The following KCNT2 variants were observed in gnomAD, a reference collection of about 807,000 sequenced individuals.
KCNT2 encodes the protein potassium channel subfamily T member 2.
Under a neutral mutation model 153.8 loss-of-function variants are expected in KCNT2, and 67 were observed. That is an observed-to-expected ratio of 0.44 (90% CI 0.36 to 0.53). The LOEUF (loss-of-function observed/expected upper bound fraction) is 0.53, where lower values mean the gene tolerates loss of function less well. Among genes scored for constraint, KCNT2 ranks in the 20% least tolerant of loss-of-function variants. The pLI, the probability that KCNT2 is intolerant of heterozygous loss-of-function variation, is 0.00. For missense variants in KCNT2, 975 were observed against 1,354.8 expected, an observed-to-expected ratio of 0.72 and a Z score of 4.40; for synonymous variants, 500 against 458.8, an observed-to-expected ratio of 1.09 and a Z score of -1.15.
intron 25 of KCNT2, among the ~76,000 whole-genome samples, chr1:196,274,375 A>G (rs1008585592): frequency 6.6e-6 from 1 of 151,666 alleles, no homozygotes; most frequent in African/African-American, 2.4e-5. Flanking sequence ...ATAACTGAAA[A>G]TATAAGAAAT....
chr1:196,330,449 T>C (rs956619248), intron 18 of KCNT2, among the ~76,000 whole-genome samples: 4 of 151,956 alleles, frequency 2.6e-5, no homozygotes, highest in Admixed American at 1.3e-4. Flanking sequence ...AACTGTAACT[T>C]CAAAACTTAA....
At chr1:196,493,312 A>G (rs1408953996) in intron 1 of KCNT2, among the ~76,000 whole-genome samples, 1 of 138,138 alleles carries the variant, frequency 7.2e-6, no homozygotes, top group Non-Finnish European at 1.5e-5. Context: ...TGTAAGCCAG[A>G]TAAGGTTTGG....
intron 1 of KCNT2, among the ~76,000 whole-genome samples, chr1:196,564,390 T>C (rs1659822764): frequency 6.6e-6 from 1 of 151,840 alleles, no homozygotes; most frequent in African/African-American, 2.4e-5. Context: ...GTTCATGGAA[T>C]ATAATAATTA....
chr1:196,414,444 G>A (rs945782026), intron 12 of KCNT2, among the ~76,000 whole-genome samples: 1 of 151,754 alleles, frequency 6.6e-6, no homozygotes, highest in Non-Finnish European at 1.5e-5. Flanking sequence ...TCTTGGAATT[G>A]AGGCTATGGG....
At chr1:196,284,248 A>AAAAAATATATATATATATATAT in intron 23 of KCNT2, among the ~76,000 whole-genome samples, 1 of 10,048 alleles carries the variant, frequency 1.0e-4, no homozygotes, top group African/African-American at 1.4e-4. Flanking sequence ...AAAAAAAAAA[A>AAAAAATATATATATATATATAT]ATATATATAT....
chr1:196,602,770 ATTTTTTTTTT>A (rs148932905), intron 1 of KCNT2, among the ~76,000 whole-genome samples: 4 of 84,630 alleles, frequency 4.7e-5, no homozygotes, highest in Non-Finnish European at 8.0e-5. Flanking sequence ...TTCAAAGTCT[ATTTTTTTTTT>A]TTTTTTTTTT....
chr1:196,258,086 G>T (rs1656672656), intron 26 of KCNT2, 108 bp downstream of exon 26: 1 of 1,463,004 alleles, frequency 6.8e-7, no homozygotes, highest in African/African-American at 1.4e-5. Context: ...TCTACTAATT[G>T]ACCTGTGAAG....
chr1:196,377,738 A>G (rs1481783546), intron 13 of KCNT2, among the ~76,000 whole-genome samples: 2 of 152,102 alleles, frequency 1.3e-5, no homozygotes, highest in African/African-American at 4.8e-5. Flanking sequence ...ATAAAAATGA[A>G]CACTTGCAGA....
intron 22 of KCNT2, among the ~76,000 whole-genome samples, chr1:196,293,031 TA>T (rs370417963): frequency 1.9e-3 from 272 of 145,738 alleles, no homozygotes; most frequent in Admixed American, 4.0e-3. Context: ...CACAATAGCA[TA>T]AAAAAAAAAT....
At chr1:196,316,805 AG>A (rs1446887496) in intron 20 of KCNT2, among the ~76,000 whole-genome samples, 1 of 151,762 alleles carries the variant, frequency 6.6e-6, no homozygotes, top group Admixed American at 6.6e-5. Flanking sequence ...TTACCGTTAA[AG>A]CTGAAACAGG....
At chr1:196,237,464 C>T (rs1654545240) in intron 26 of KCNT2, among the ~76,000 whole-genome samples, 1 of 151,632 alleles carries the variant, frequency 6.6e-6, no homozygotes, top group African/African-American at 2.4e-5. Flanking sequence ...TATTCAGCTC[C>T]ACATCTATGG....
chr1:196,461,522 T>C lies in KCNT2; in HGVS notation c.638+3771A>G, dbSNP rs375510427. 7.2e-5 allele frequency among the ~76,000 whole-genome samples: 11 copies of C among 151,786 alleles called. No homozygotes were observed. The South Asian group carries it at 1.0e-3, about 14-fold the overall frequency. ...AGTTTGAAGTAAAGTAGTTGCAAAA[T>C]AAATCTATCTGTAAAATTAGAAACA... On this transcript the variant is annotated intron_variant, in intron 8 of 27. Transcript: ENST00000294725.
intron 8 of KCNT2, among the ~76,000 whole-genome samples, chr1:196,435,555 A>T (rs375550051): frequency 4.8e-4 from 73 of 151,728 alleles, no homozygotes; most frequent in South Asian, 3.5e-3. Context: ...TCATTCTGAA[A>T]TGTCTATGTC....
intron 13 of KCNT2, among the ~76,000 whole-genome samples, chr1:196,388,681 C>A (rs1670217280): frequency 6.6e-6 from 1 of 151,334 alleles, no homozygotes; most frequent in African/African-American, 2.4e-5. Context: ...AATTTAAATT[C>A]CTAAATTATC....
At chr1:196,430,466 C>A (rs1452729412) in intron 8 of KCNT2, among the ~76,000 whole-genome samples, 1 of 151,802 alleles carries the variant, frequency 6.6e-6, no homozygotes, top group African/African-American at 2.4e-5. Context: ...CTTTCTCTCT[C>A]TTTGCCTTTC....
chr1:196,266,040 G>C (rs1469046448), intron 25 of KCNT2, among the ~76,000 whole-genome samples: 1 of 152,110 alleles, frequency 6.6e-6, no homozygotes, highest in African/African-American at 2.4e-5. Context: ...ACTGGATATA[G>C]GAGGAAGAAG....
chr1:196,594,963 T>C (rs779109100), intron 1 of KCNT2, among the ~76,000 whole-genome samples: 14 of 152,142 alleles, frequency 9.2e-5, no homozygotes, highest in Non-Finnish European at 1.5e-4. Flanking sequence ...GGTTTTTAAA[T>C]GGGAATATGA....
At chr1:196,275,450 C>T (rs1193952341) in intron 25 of KCNT2, among the ~76,000 whole-genome samples, 1 of 151,522 alleles carries the variant, frequency 6.6e-6, no homozygotes, top group Non-Finnish European at 1.5e-5. Flanking sequence ...CTACATCACA[C>T]CAGAAAAAAA....
At chr1:196,331,046 T>C in intron 18 of KCNT2, 110 bp downstream of exon 18, 1 of 671,300 alleles carries the variant, frequency 1.5e-6, no homozygotes, top group Non-Finnish European at 2.7e-6. Flanking sequence ...ATAATACCAA[T>C]ACCCCTTAAA....
Sources: allele counts gnomAD v4.1 joint callset (sites outside exome capture counted in the v4.1 genomes callset), GRCh38; gene constraint gnomAD v4.1.1; transcripts MANE v1.5; gene names NCBI Gene and HGNC (gene_info 2026-07-23, HGNC 2026-07-21).